The following GPC3 variants were observed in gnomAD, a reference collection of about 807,000 sequenced individuals.
The protein encoded by GPC3 is glypican 3.
In GPC3, 3 loss-of-function variants were observed where a neutral mutation model predicts 34.4. That is an observed-to-expected ratio of 0.09 (90% CI 0.04 to 0.23). The LOEUF is 0.23. GPC3 is among the 10% of genes least tolerant of loss of function. The pLI is 1.00. For missense variants in GPC3, 351 were observed against 445.6 expected, an observed-to-expected ratio of 0.79 and a Z score of 1.91; for synonymous variants, 177 against 174.0, an observed-to-expected ratio of 1.02 and a Z score of -0.13.
chrX:133,715,629 C>T (rs1372410012), intron 3 of GPC3, among the ~76,000 whole-genome samples: 4 of 110,923 alleles, frequency 3.6e-5, no homozygotes, highest in Non-Finnish European at 7.5e-5. Context: ...AAAGCCTTTT[C>T]CCTGGAGACA....
At chrX:133,919,860 G>C (rs1462432261) in intron 2 of GPC3, among the ~76,000 whole-genome samples, 1 of 107,339 alleles carries the variant, frequency 9.3e-6, no homozygotes, top group Non-Finnish European at 1.9e-5. Context: ...AAAAAAATCT[G>C]AGTTGAAACT....
At chrX:133,877,783 C>A (rs992476365) in intron 2 of GPC3, among the ~76,000 whole-genome samples, 1 of 111,743 alleles carries the variant, frequency 8.9e-6, no homozygotes, top group Admixed American at 9.5e-5. Context: ...AGAATGTTCA[C>A]AATAAATAGT....
intron 2 of GPC3, among the ~76,000 whole-genome samples, chrX:133,819,481 C>T (rs750885052): frequency 1.5e-3 from 167 of 110,535 alleles, no homozygotes; most frequent in African/African-American, 5.3e-3. Context: ...TGAATCTTGG[C>T]AGGGCTTTGT....
At chrX:133,545,500 A>G (rs1042557083) in intron 7 of GPC3, among the ~76,000 whole-genome samples, 2 of 110,856 alleles carry the variant, frequency 1.8e-5, no homozygotes, top group African/African-American at 6.6e-5. Context: ...GCAACACAGC[A>G]AGACCCATCT....
chrX:133,644,161 A>T (rs887260006), intron 6 of GPC3, among the ~76,000 whole-genome samples: 2 of 110,796 alleles, frequency 1.8e-5, no homozygotes, highest in East Asian at 2.8e-4. Context: ...TGCTACTGAA[A>T]TATCCTTATA....
chrX:133,642,772 CAAAAAAAA>C (rs375514321), intron 6 of GPC3, among the ~76,000 whole-genome samples: 1 of 25,797 alleles, frequency 3.9e-5, no homozygotes, highest in African/African-American at 8.7e-5. Flanking sequence ...AACTACGTCT[CAAAAAAAA>C]AAAAAAAAAA....
intron 2 of GPC3, among the ~76,000 whole-genome samples, chrX:133,804,709 A>G (rs2075627479): frequency 8.9e-6 from 1 of 111,885 alleles, no homozygotes; most frequent in African/African-American, 3.2e-5. Flanking sequence ...CTTCTTTTAA[A>G]AATAATTTCT....
At chrX:133,745,053 C>T (rs1173435918) in intron 3 of GPC3, among the ~76,000 whole-genome samples, 1 of 111,240 alleles carries the variant, frequency 9.0e-6, no homozygotes, top group Non-Finnish European at 1.9e-5. Context: ...GGAGAAATAC[C>T]TAATGTAGAT....
At chrX:133,595,690 A>G in intron 7 of GPC3, among the ~76,000 whole-genome samples, 1 of 110,341 alleles carries the variant, frequency 9.1e-6, no homozygotes, top group Non-Finnish European at 1.9e-5. Flanking sequence ...TAATTTTTGT[A>G]TTTTTGTAGA....
At chrX:133,739,813 G>A (rs1453303570) in intron 3 of GPC3, among the ~76,000 whole-genome samples, 3 of 112,393 alleles carry the variant, frequency 2.7e-5, no homozygotes, top group Admixed American at 1.9e-4. Context: ...AGCCCAGGTG[G>A]AAGAGGTTGC....
intron 6 of GPC3, among the ~76,000 whole-genome samples, chrX:133,603,503 C>T (rs1237398307): frequency 1.8e-5 from 2 of 111,950 alleles, no homozygotes; most frequent in Non-Finnish European, 3.8e-5. Context: ...TGTTGGAATC[C>T]TTAGTAAACG....
intron 2 of GPC3, among the ~76,000 whole-genome samples, chrX:133,890,852 C>T (rs1166443719): frequency 1.0e-5 from 1 of 98,001 alleles, no homozygotes; most frequent in Non-Finnish European, 2.0e-5. Context: ...AAGAGCGAAA[C>T]TCCATCTCAA....
At chrX:133,947,646 A>T (rs1468841335) in intron 2 of GPC3, among the ~76,000 whole-genome samples, 2 of 112,079 alleles carry the variant, frequency 1.8e-5, no homozygotes, top group African/African-American at 3.2e-5. Context: ...TTGCATTTTT[A>T]AAAACTTTGT....
intron 1 of GPC3, 69 bp from the exon 2 acceptor site, chrX:133,953,280 C>A (rs1411143001): frequency 8.2e-6 from 7 of 854,912 alleles, no homozygotes; most frequent in Admixed American, 2.2e-5. Context: ...ACCCACACCA[C>A]CCCCACCCCC....
chrX:133,556,862 G>A (rs1260897263), intron 7 of GPC3, among the ~76,000 whole-genome samples: 2 of 107,204 alleles, frequency 1.9e-5, no homozygotes, highest in African/African-American at 6.8e-5. Context: ...CATGGCTCAT[G>A]TATACATATG....
intron 2 of GPC3, among the ~76,000 whole-genome samples, chrX:133,813,680 T>C (rs1324286950): frequency 8.9e-6 from 1 of 112,354 alleles, no homozygotes; most frequent in Non-Finnish European, 1.9e-5. Flanking sequence ...CCTGATGAGT[T>C]TGCATAATTA....
chrX:133,959,323 T>C (rs1239929591), intron 1 of GPC3, among the ~76,000 whole-genome samples: 4 of 112,533 alleles, frequency 3.6e-5, no homozygotes, highest in African/African-American at 1.3e-4. Context: ...TGAAGTCCTA[T>C]GCTTACCACA....
chrX:133,738,804 T>A (rs2071535359), intron 3 of GPC3, among the ~76,000 whole-genome samples: 1 of 112,001 alleles, frequency 8.9e-6, no homozygotes, highest in African/African-American at 3.2e-5. Context: ...ACAAAACCTG[T>A]GTGTTCAACT....
intron 3 of GPC3, among the ~76,000 whole-genome samples, chrX:133,717,516 A>C (rs2071326447): frequency 9.0e-6 from 1 of 110,970 alleles, no homozygotes; most frequent in African/African-American, 3.3e-5. Context: ...CACTGTGAAA[A>C]TCCCTGTCCT....
Sources: allele counts gnomAD v4.1 joint callset (sites outside exome capture counted in the v4.1 genomes callset), GRCh38; gene constraint gnomAD v4.1.1; transcripts MANE v1.5; gene names NCBI Gene and HGNC (gene_info 2026-07-23, HGNC 2026-07-21).